Variants in LRRC3B observed in about 807,000 individuals in gnomAD.
The protein encoded by LRRC3B is leucine-rich repeat-containing protein 3B.
LRRC3B carries 2 observed loss-of-function variants against 12.8 expected under a neutral mutation model. The observed-to-expected ratio is 0.16, with a 90% confidence interval of 0.06 to 0.49. The LOEUF (loss-of-function observed/expected upper bound fraction) is 0.49, where lower values mean the gene tolerates loss of function less well. LRRC3B is among the 20% of genes least tolerant of loss of function. The probability of loss-of-function intolerance (pLI) is 0.96; values close to 1 mark genes in which losing one functional copy is unlikely to be tolerated. For missense variants in LRRC3B, 189 were observed against 319.4 expected (o/e 0.59, Z 3.11); for synonymous variants, 132 against 122.0 (o/e 1.08, Z -0.54).
chr3:26,667,945 A>G (rs1335754461), intron 1 of LRRC3B, among the ~76,000 whole-genome samples: 1 of 151,844 alleles, frequency 6.6e-6, no homozygotes, highest in East Asian at 1.9e-4. Flanking sequence ...TATTATTATT[A>G]TACTTTAAGT....
rs200578988 is a variant in LRRC3B, at chr3:26,666,182, T to C, written c.-161+42945T>C. ...GATCTGGATCCTAAATTTAGTCAAA[T>C]GAATTTAGAAAGACTACAGAGAAAA... On this transcript the variant is annotated intron_variant, in intron 1 of 1. Coordinates refer to ENST00000396641, the Ensembl canonical transcript of LRRC3B. Among the ~76,000 whole-genome samples, 4 of 151,720 alleles carry C rather than the reference T, an allele frequency of 2.6e-5. No homozygotes were observed. The East Asian group carries it at 5.8e-4, about 22-fold the overall frequency.
At chr3:26,687,411 C>G (rs1045723030) in intron 1 of LRRC3B, among the ~76,000 whole-genome samples, 4 of 152,132 alleles carry the variant, frequency 2.6e-5, no homozygotes, top group African/African-American at 9.7e-5. Context: ...TCTAAGCATT[C>G]CTTTCTCTCT....
chr3:26,690,500 G>T (rs1380655574), intron 1 of LRRC3B, among the ~76,000 whole-genome samples: 7 of 152,254 alleles, frequency 4.6e-5, no homozygotes, highest in Admixed American at 4.6e-4. Flanking sequence ...CAATTAAATG[G>T]GTTTGGAAAG....
intron 1 of LRRC3B, among the ~76,000 whole-genome samples, chr3:26,671,011 C>CTTTTTTTTTTTTTTTTT (rs762788262): frequency 1.0e-5 from 1 of 95,548 alleles, no homozygotes; most frequent in East Asian, 4.0e-4. Flanking sequence ...TCTCATGTAT[C>CTTTTTTTTTTTTTTTTT]TTTTTTTTTT....
chr3:26,660,051 C>T (rs1299676608), intron 1 of LRRC3B, among the ~76,000 whole-genome samples: 2 of 152,190 alleles, frequency 1.3e-5, no homozygotes, highest in Admixed American at 6.5e-5. Flanking sequence ...CAGCTGCACA[C>T]ATTTTTCTCC....
At chr3:26,687,535 G>A (rs773965066) in intron 1 of LRRC3B, among the ~76,000 whole-genome samples, 1 of 152,160 alleles carries the variant, frequency 6.6e-6, no homozygotes, top group Non-Finnish European at 1.5e-5. Context: ...CTTTGAAGAA[G>A]CTACTGTTAG....
intron 1 of LRRC3B, among the ~76,000 whole-genome samples, chr3:26,649,691 TA>T (rs1394285471): frequency 2.6e-5 from 4 of 152,170 alleles, no homozygotes; most frequent in African/African-American, 9.7e-5. Context: ...TTCATCATGT[TA>T]AAATACCACT....
intron 1 of LRRC3B, among the ~76,000 whole-genome samples, chr3:26,666,508 C>A (rs1215186747): frequency 6.6e-6 from 1 of 152,034 alleles, no homozygotes; most frequent in Admixed American, 6.5e-5. Context: ...TTATCTCAAC[C>A]AATCCTGCCA....
chr3:26,700,498 G>A (rs531819340), intron 1 of LRRC3B, among the ~76,000 whole-genome samples: 2 of 152,228 alleles, frequency 1.3e-5, no homozygotes, highest in South Asian at 4.2e-4. Flanking sequence ...TATTAACATA[G>A]AGACTAATAA....
intron 1 of LRRC3B, among the ~76,000 whole-genome samples, chr3:26,660,278 A>G (rs1272939886): frequency 6.6e-6 from 1 of 152,204 alleles, no homozygotes; most frequent in Non-Finnish European, 1.5e-5. Context: ...AAGGCATGGT[A>G]GAAGAGCAAG....
intron 1 of LRRC3B, among the ~76,000 whole-genome samples, chr3:26,636,938 C>CTTT (rs1239589411): frequency 1.8e-5 from 2 of 110,174 alleles, no homozygotes; most frequent in African/African-American, 8.2e-5. Context: ...TTCTTTCTTT[C>CTTT]TTTCTTTCTT....
chr3:26,658,674 G>A (rs895852928), intron 1 of LRRC3B, among the ~76,000 whole-genome samples: 8 of 152,222 alleles, frequency 5.3e-5, no homozygotes, highest in Non-Finnish European at 1.2e-4. Flanking sequence ...CTGCGCCTGT[G>A]AAAATTGATG....
intron 1 of LRRC3B, among the ~76,000 whole-genome samples, chr3:26,685,511 CTCTCTCTCTCTCTATATA>C (rs1471546804): frequency 4.6e-3 from 241 of 52,066 alleles, no homozygotes; most frequent in African/African-American, 0.013. Context: ...CTCTCTCTCT[CTCTCTCTCTCTCTATATA>C]TATATATATA....
In LRRC3B at chr3:26,693,107, G is replaced by A. The variant is rs9846550; in HGVS notation, c.-160-16406G>A. On this transcript the variant is annotated intron_variant, in intron 1 of 1. Transcript: ENST00000396641. ...GCACTTTGGGAGGCCGAGACGGGCGGATCACGAGGTCAGGAGATCGAGACC... is the reference window on the plus strand; with the variant it reads ...GCACTTTGGGAGGCCGAGACGGGCGAATCACGAGGTCAGGAGATCGAGACC... Among the ~76,000 whole-genome samples, 1,186 of 152,026 alleles carry A rather than the reference G, an allele frequency of 7.8e-3. 19 individuals carry two copies. The highest frequency in any genetic ancestry group is 0.027 in the African/African-American group (1,119 of 41,480).
chr3:26,689,247 C>T (rs766653367), intron 1 of LRRC3B, among the ~76,000 whole-genome samples: 8 of 152,192 alleles, frequency 5.3e-5, no homozygotes, highest in Non-Finnish European at 1.2e-4. Flanking sequence ...TTACTTAGTA[C>T]ACATTCAGTC....
intron 1 of LRRC3B, among the ~76,000 whole-genome samples, chr3:26,633,783 C>T (rs1354615531): frequency 6.6e-6 from 1 of 152,150 alleles, no homozygotes. Context: ...CAGAGGACAT[C>T]TTTGATCAGC....
chr3:26,673,990 A>C (rs2125435126), intron 1 of LRRC3B, among the ~76,000 whole-genome samples: 1 of 152,364 alleles, frequency 6.6e-6, no homozygotes, highest in East Asian at 1.9e-4. Flanking sequence ...TAAATACATA[A>C]TAAAGAAACA....
At chr3:26,677,259 A>C (rs925528773) in intron 1 of LRRC3B, among the ~76,000 whole-genome samples, 1 of 152,096 alleles carries the variant, frequency 6.6e-6, no homozygotes, top group African/African-American at 2.4e-5. Context: ...TTTTCTGGAG[A>C]GTGGGAATGT....
intron 1 of LRRC3B, among the ~76,000 whole-genome samples, chr3:26,643,175 C>G (rs1171823656): frequency 6.6e-6 from 1 of 151,990 alleles, no homozygotes; most frequent in Non-Finnish European, 1.5e-5. Flanking sequence ...GGGCTGGACA[C>G]ATTCATGGTT....
Sources: gnomAD v4.1 joint callset for allele counts (sites outside exome capture counted in the v4.1 genomes callset) on GRCh38, gnomAD v4.1.1 for gene constraint, MANE v1.5 for transcripts, NCBI Gene and HGNC (gene_info 2026-07-23, HGNC 2026-07-21) for gene names.